The following PASD1 variants were observed in gnomAD, a reference collection of about 807,000 sequenced individuals.
PASD1 encodes circadian clock protein PASD1.
In PASD1, 13 loss-of-function variants were observed where a neutral mutation model predicts 58.8. The ratio of observed to expected loss-of-function variants is 0.22; its 90% CI spans 0.14 to 0.35. The LOEUF (loss-of-function observed/expected upper bound fraction) is 0.35, where lower values mean the gene tolerates loss of function less well. Ranked by LOEUF, PASD1 falls within the 10% of genes least tolerant of loss-of-function variation. PASD1 has a pLI of 1.00. For synonymous variants in PASD1, 236 were observed against 216.7 expected (o/e 1.09, Z -0.78); for missense variants, 734 against 568.3 (o/e 1.29, Z -2.96).
Position 151,671,638 on chromosome X carries a change from G to T in PASD1, c.1296G>T (p.Lys432Asn), listed in dbSNP as rs2014470475. ...TCCAATCTTCGGAGGCAGTGCCCAA[G>T]AAACAACAGAAACAACACGCTGGGC... is the stretch of plus-strand genomic sequence containing the variant. ...PDLQSSEAVP[K>N]KQQKQHAGQV... is the part of the protein sequence containing the mutation. The change falls in exon 13 of 16, where the codon AAG becomes AAT. Residue 432 changes from lysine to asparagine, a missense_variant. By Grantham distance (94) the Lys-to-Asn change is moderately conservative. Transcript: ENST00000370357. The T allele has an allele frequency of 8.3e-7, 1 of 1,209,431 alleles. No homozygotes were observed. Among genetic ancestry groups the T allele is most frequent in the African/African-American group, 1.7e-5 (1 of 57,197 alleles).
chrX:151,640,540 T>G (rs1479970333), intron 8 of PASD1, among the ~76,000 whole-genome samples: 1 of 112,093 alleles, frequency 8.9e-6, no homozygotes, highest in African/African-American at 3.2e-5. Flanking sequence ...GTTGGAAGGC[T>G]TGGCCTTAAG....
intron 1 of PASD1, among the ~76,000 whole-genome samples, chrX:151,566,045 T>C (rs187068011): frequency 8.9e-6 from 1 of 111,809 alleles, no homozygotes; most frequent in East Asian, 2.8e-4. Flanking sequence ...AAAACGAAAA[T>C]TTGTGATAAA....
intron 9 of PASD1, among the ~76,000 whole-genome samples, chrX:151,654,026 C>T (rs966481173): frequency 9.9e-6 from 1 of 100,507 alleles, no homozygotes; most frequent in Non-Finnish European, 2.0e-5. Context: ...GACTGGAATG[C>T]AGTGGCATGG....
At chrX:151,645,553 C>T (rs2014049924) in intron 8 of PASD1, 1 of 111,843 alleles carries the variant, frequency 8.9e-6, no homozygotes, top group Non-Finnish European at 1.9e-5. Context: ...ACATGAAGGG[C>T]TCGATTTAAG....
chrX:151,596,529 G>A (rs920192044), intron 1 of PASD1, among the ~76,000 whole-genome samples: 4 of 112,369 alleles, frequency 3.6e-5, no homozygotes, highest in African/African-American at 1.3e-4. Flanking sequence ...TTTTGGTGGA[G>A]ACAGGAAACC....
At chrX:151,566,176 G>C (rs1214790504) in intron 1 of PASD1, among the ~76,000 whole-genome samples, 1 of 112,547 alleles carries the variant, frequency 8.9e-6, no homozygotes, top group East Asian at 2.8e-4. Flanking sequence ...TAAAGATGCA[G>C]CTTTTAGGGA....
chrX:151,601,227 GTT>G (rs1306368799), intron 1 of PASD1, among the ~76,000 whole-genome samples: 1 of 106,483 alleles, frequency 9.4e-6, no homozygotes, highest in Non-Finnish European at 2.0e-5. Flanking sequence ...CAAATATTTG[GTT>G]TTTTTTTTGG....
At chrX:151,603,251 A>C (rs2013443285) in intron 2 of PASD1, among the ~76,000 whole-genome samples, 1 of 112,417 alleles carries the variant, frequency 8.9e-6, no homozygotes, top group Non-Finnish European at 1.9e-5. Flanking sequence ...TAAATAAATG[A>C]ATAAAAGAGG....
intron 11 of PASD1, among the ~76,000 whole-genome samples, chrX:151,668,642 C>G (rs1434303822): frequency 1.8e-5 from 2 of 111,172 alleles, no homozygotes; most frequent in Admixed American, 1.9e-4. Context: ...CATGCACCCT[C>G]CCAAGACTAA....
chrX:151,607,172 A>G (rs913193959), intron 3 of PASD1, among the ~76,000 whole-genome samples: 2 of 111,695 alleles, frequency 1.8e-5, no homozygotes, highest in Non-Finnish European at 1.9e-5. Flanking sequence ...TCTAAGTGAT[A>G]TGTTGTTTTC....
At chrX:151,663,740 C>T (rs1317781112) in intron 10 of PASD1, among the ~76,000 whole-genome samples, 4 of 112,104 alleles carry the variant, frequency 3.6e-5, no homozygotes, top group African/African-American at 9.7e-5. Flanking sequence ...TGAGCACTCC[C>T]GAGGTCCCAC....
In PASD1 at chrX:151,665,904, T is replaced by G. The variant is rs755517553; in HGVS notation, c.1071+1556T>G. Among the ~76,000 whole-genome samples the G allele has an allele frequency of 8.0e-4, 67 of 83,360 alleles. 1 individual carries two copies. The highest frequency in any genetic ancestry group is 9.9e-4 in the Non-Finnish European group (39 of 39,496). 72.4% of individuals were successfully genotyped at this position (83,360 alleles called of 115,157 possible). On this transcript the variant is annotated intron_variant, in intron 11 of 15. Transcript: ENST00000370357. ...CGCGCGTGCATGTGTGTGTGTGTGT[T>G]TTTTTTTTTTTGGTCTAATGAATGT...
intron 10 of PASD1, among the ~76,000 whole-genome samples, chrX:151,662,222 C>G (rs188982098): frequency 2.4e-4 from 27 of 110,706 alleles, no homozygotes; most frequent in African/African-American, 8.5e-4. Flanking sequence ...TTCATTTATT[C>G]GTACATTCAT....
chrX:151,617,039 C>CT (rs912117979), intron 4 of PASD1, among the ~76,000 whole-genome samples: 11 of 111,210 alleles, frequency 9.9e-5, no homozygotes, highest in Non-Finnish European at 2.1e-4. Context: ...TTAATTCTTT[C>CT]TTTTTTTGAC....
intron 8 of PASD1, among the ~76,000 whole-genome samples, chrX:151,647,308 C>G (rs1196473285): frequency 9.0e-6 from 1 of 111,420 alleles, no homozygotes; most frequent in Admixed American, 9.6e-5. Context: ...TTCTGTTAGA[C>G]TAACATAGCT....
intron 8 of PASD1, among the ~76,000 whole-genome samples, chrX:151,635,587 AC>A (rs1206129484): frequency 8.9e-6 from 1 of 112,399 alleles, no homozygotes; most frequent in Non-Finnish European, 1.9e-5. Context: ...CAATATAGTT[AC>A]TTACTTGCTC....
intron 1 of PASD1, among the ~76,000 whole-genome samples, chrX:151,591,483 T>G (rs2013247490): frequency 8.9e-6 from 1 of 112,105 alleles, no homozygotes; most frequent in African/African-American, 3.2e-5. Flanking sequence ...TTAGATTATT[T>G]CCCATTGATT....
intron 4 of PASD1, among the ~76,000 whole-genome samples, chrX:151,617,058 G>A (rs1160369647): frequency 9.0e-6 from 1 of 111,325 alleles, no homozygotes; most frequent in Non-Finnish European, 1.9e-5. Flanking sequence ...ACGTGACTGA[G>A]ACTCACCACA....
chrX:151,669,193 T>C (rs185121192), intron 11 of PASD1, among the ~76,000 whole-genome samples: 142 of 104,557 alleles, frequency 1.4e-3, no homozygotes, highest in African/African-American at 4.0e-3. Flanking sequence ...TATATATATA[T>C]ACACTATATA....
Sources: gnomAD v4.1 joint callset for allele counts (sites outside exome capture counted in the v4.1 genomes callset) on GRCh38, gnomAD v4.1.1 for gene constraint, MANE v1.5 for transcripts, NCBI Gene and HGNC (gene_info 2026-07-23, HGNC 2026-07-21) for gene names.